SLC9A7: variants seen among roughly 807,000 people sequenced by gnomAD.
SLC9A7 encodes the protein sodium/hydrogen exchanger 7.
SLC9A7 carries 19 observed loss-of-function variants against 52.6 expected under a neutral mutation model. That is an observed-to-expected ratio of 0.36 (90% CI 0.25 to 0.53). The LOEUF (loss-of-function observed/expected upper bound fraction) is 0.53, where lower values mean the gene tolerates loss of function less well. Ranked by LOEUF, SLC9A7 falls within the 20% of genes least tolerant of loss-of-function variation. SLC9A7 has a pLI of 0.91. For missense variants in SLC9A7, 455 were observed against 597.9 expected (o/e 0.76, Z 2.49); for synonymous variants, 226 against 252.1 (o/e 0.90, Z 0.98).
chrX:46,614,088 G>T (rs1205483324), intron 15 of SLC9A7, among the ~76,000 whole-genome samples: 1 of 111,541 alleles, frequency 9.0e-6, no homozygotes, highest in Non-Finnish European at 1.9e-5. Context: ...TCTTTGTTAT[G>T]GGGGGCTATT....
At chrX:46,660,272 A>T (rs1203159509) in intron 7 of SLC9A7, among the ~76,000 whole-genome samples, 1 of 111,575 alleles carries the variant, frequency 9.0e-6, no homozygotes, top group South Asian at 3.7e-4. Context: ...AAACCCTAGA[A>T]GAAAACCTAG....
At chrX:46,719,283 G>A (rs1488553907) in intron 1 of SLC9A7, among the ~76,000 whole-genome samples, 1 of 89,533 alleles carries the variant, frequency 1.1e-5, no homozygotes, top group Non-Finnish European at 2.2e-5. Flanking sequence ...ATCACACACC[G>A]GGGCCTGTCG....
chrX:46,640,119 T>C (rs1191123787), intron 12 of SLC9A7, among the ~76,000 whole-genome samples: 1 of 111,962 alleles, frequency 8.9e-6, no homozygotes, highest in Non-Finnish European at 1.9e-5. Flanking sequence ...GGAAAGGAAC[T>C]AGAATAGCCA....
At chrX:46,732,477 C>T (rs1282817451) in intron 1 of SLC9A7, among the ~76,000 whole-genome samples, 3 of 109,361 alleles carry the variant, frequency 2.7e-5, no homozygotes, top group South Asian at 4.0e-4. Flanking sequence ...CGCTTGAACC[C>T]GGGAGGCGGA....
rs1286748175 is a variant in SLC9A7 at position 46,601,176 on chromosome X, T to A, written c.*5776A>T. The stretch of plus-strand genomic sequence containing the variant: ...TAATCTTTCACAACAGATGGTAAAA[T>A]CAGCTTTCTGATACACTCTTAGAAC... On this transcript the variant is annotated 3_prime_UTR_variant, in exon 17 of 17. Coordinates refer to ENST00000616978, the MANE Select transcript of SLC9A7 (RefSeq NM_001257291.2). 3 of 112,244 alleles carry A rather than the reference T, an allele frequency of 2.7e-5. No homozygotes were observed. Among genetic ancestry groups the A allele is most frequent in the African/African-American group, 9.7e-5 (3 of 30,873 alleles). 9.3% of individuals were successfully genotyped at this position (112,244 alleles called of 1,213,427 possible).
intron 14 of SLC9A7, among the ~76,000 whole-genome samples, chrX:46,625,244 CTTT>C (rs202021180): frequency 2.1e-5 from 2 of 95,397 alleles, no homozygotes. Flanking sequence ...GAACAGCTTA[CTTT>C]TTTTTTTTTT....
chrX:46,743,046 A>C (rs775672097), intron 1 of SLC9A7, among the ~76,000 whole-genome samples: 59 of 110,245 alleles, frequency 5.4e-4, no homozygotes, highest in Non-Finnish European at 1.0e-3. Flanking sequence ...GTGAGACCCC[A>C]TCTCAAAAAA....
intron 1 of SLC9A7, among the ~76,000 whole-genome samples, chrX:46,711,566 T>C (rs1297137066): frequency 2.1e-4 from 24 of 112,040 alleles, no homozygotes; most frequent in Non-Finnish European, 1.1e-4. Context: ...TTACTAAATA[T>C]ACATGTCCGC....
intron 1 of SLC9A7, among the ~76,000 whole-genome samples, chrX:46,719,868 GC>G (rs1457846559): frequency 9.0e-6 from 1 of 111,553 alleles, no homozygotes; most frequent in Non-Finnish European, 1.9e-5. Context: ...TTCTATAAGG[GC>G]AATTCCAGGA....
chrX:46,745,240 G>C (rs1308822933), intron 1 of SLC9A7, among the ~76,000 whole-genome samples: 1 of 111,813 alleles, frequency 8.9e-6, no homozygotes, highest in Non-Finnish European at 1.9e-5. Flanking sequence ...GTTCCAGATG[G>C]AGCAGAGCAG....
At chrX:46,645,315 A>G (rs962206422) in intron 11 of SLC9A7, among the ~76,000 whole-genome samples, 1 of 112,127 alleles carries the variant, frequency 8.9e-6, no homozygotes, top group Non-Finnish European at 1.9e-5. Flanking sequence ...CCTCTTCACC[A>G]AGCTCTGAAT....
rs1040074627 is a variant in SLC9A7 at position 46,674,642 on chromosome X, C to T, written c.604-2015G>A. Among the ~76,000 whole-genome samples the T allele has an allele frequency of 9.9e-5, 11 of 111,636 alleles. No homozygotes were observed. In the Admixed American group the frequency reaches 1.0e-3, roughly 11 times the overall value. On this transcript the variant is annotated intron_variant, in intron 3 of 16. Coordinates refer to ENST00000616978, the MANE Select transcript of SLC9A7 (RefSeq NM_001257291.2). ...CATCATGCTCTCACTGCGCAAGCTG[C>T]CCTGCTACCCAGCTCTTCGATTCCC...
At chrX:46,622,660 C>G (rs757172144) in intron 14 of SLC9A7, among the ~76,000 whole-genome samples, 3 of 111,576 alleles carry the variant, frequency 2.7e-5, no homozygotes, top group Non-Finnish European at 5.6e-5. Context: ...AACCACAAAG[C>G]ATTTATTATC....
chrX:46,689,886 C>T (rs1265434651), intron 1 of SLC9A7, among the ~76,000 whole-genome samples: 1 of 111,008 alleles, frequency 9.0e-6, no homozygotes, highest in Non-Finnish European at 1.9e-5. Context: ...TTTTCTGTTC[C>T]TGTGTTAGTC....
In SLC9A7 at chrX:46,662,016, T is replaced by C; in HGVS notation, c.1041A>G (p.Leu347=). ...MGAVTGVVTA[L]VTKFTKLHCF... is the part of the protein sequence containing the mutation. Reference sequence around the variant, plus strand: ...CGAGCTGAAACTACAAAAAGGATATTAGAGCAGTCACAACACCAGTCACAG... The same window carrying C: ...CGAGCTGAAACTACAAAAAGGATATCAGAGCAGTCACAACACCAGTCACAG... Residue 347 remains leucine (L), a splice_region_variant and synonymous_variant, in exon 7 of 17, where the codon CTA becomes CTG. Transcript: ENST00000616978. The C allele has an allele frequency of 8.4e-7, 1 of 1,190,364 alleles. No homozygotes were observed. Among genetic ancestry groups the C allele is most frequent in the East Asian group, 3.1e-5 (1 of 32,581 alleles).
At chrX:46,714,523 A>T (rs182574431) in intron 1 of SLC9A7, among the ~76,000 whole-genome samples, 1 of 111,193 alleles carries the variant, frequency 9.0e-6, no homozygotes, top group South Asian at 3.7e-4. Context: ...CTCCACCCCA[A>T]TCTAATTTGG....
intron 5 of SLC9A7, among the ~76,000 whole-genome samples, chrX:46,667,965 A>C (rs1186861289): frequency 1.8e-5 from 2 of 112,161 alleles, no homozygotes; most frequent in Non-Finnish European, 3.8e-5. Flanking sequence ...ACACTTGAAA[A>C]ATACAAGGCA....
intron 1 of SLC9A7, among the ~76,000 whole-genome samples, chrX:46,751,471 A>T (rs958643462): frequency 1.8e-5 from 2 of 111,549 alleles, no homozygotes; most frequent in South Asian, 3.7e-4. Flanking sequence ...GAGGCAATTT[A>T]AAAAATACAT....
chrX:46,752,533 T>C (rs1178774712), intron 1 of SLC9A7, among the ~76,000 whole-genome samples: 1 of 111,429 alleles, frequency 9.0e-6, no homozygotes, highest in Non-Finnish European at 1.9e-5. Context: ...ATATTGGATT[T>C]ATCTGATTGT....
Sources: allele counts gnomAD v4.1 joint callset (sites outside exome capture counted in the v4.1 genomes callset), GRCh38; gene constraint gnomAD v4.1.1; transcripts MANE v1.5; gene names NCBI Gene and HGNC (gene_info 2026-07-23, HGNC 2026-07-21).